COCH: variants seen among roughly 807,000 people sequenced by gnomAD.
COCH encodes cochlin.
Under a neutral mutation model 54.8 loss-of-function variants are expected in COCH, and 40 were observed. That is an observed-to-expected ratio of 0.73 (90% CI 0.57 to 0.95). The LOEUF (loss-of-function observed/expected upper bound fraction) is 0.95, where lower values mean the gene tolerates loss of function less well. Ranked by LOEUF, COCH falls within the 40% of genes least tolerant of loss-of-function variation. The pLI is 0.00. For missense variants in COCH, 605 were observed against 675.0 expected (o/e 0.90, Z 1.15); for synonymous variants, 256 against 237.9 (o/e 1.08, Z -0.70).
Position 30,884,574 on chromosome 14 carries a change from T to C in COCH, c.651T>C (p.Phe217=). ...VQASEHPKIE[F]YLKNFTSAKD... ...TCAGTGAACATCCCAAAATAGAATT[T>C]TACTTGAAAAACTTTACATCAGCCA... is the stretch of plus-strand genomic sequence containing the variant. The change falls in exon 9 of 12, where the codon TTT becomes TTC. Residue 217 remains phenylalanine, a synonymous_variant. Coordinates refer to ENST00000396618, the MANE Select transcript of COCH (RefSeq NM_004086.3). The C allele has an allele frequency of 6.2e-7, 1 of 1,613,330 alleles. No homozygotes were observed. The highest frequency in any genetic ancestry group is 2.2e-5 in the East Asian group (1 of 44,788).
intron 3 of COCH, chr14:30,876,470 G>A (rs1895359590): frequency 6.6e-6 from 1 of 152,142 alleles, no homozygotes; most frequent in Non-Finnish European, 1.5e-5. Flanking sequence ...TATTCTGAAG[G>A]GATTCACTTT....
chr14:30,892,904 TCA>T (rs1464339775), downstream of COCH, among the ~76,000 whole-genome samples: 4 of 152,106 alleles, frequency 2.6e-5, no homozygotes, highest in Non-Finnish European at 2.9e-5. Flanking sequence ...ACAAAATTTC[TCA>T]GTGTACAATG....
intron 11 of COCH, among the ~76,000 whole-genome samples, chr14:30,887,903 C>T (rs1423195902): frequency 6.6e-6 from 1 of 152,146 alleles, no homozygotes; most frequent in East Asian, 1.9e-4. Context: ...ACTTAGCTTA[C>T]TGAACTTATA....
chr14:30,879,197 A>G (rs1594374111), intron 5 of COCH, among the ~76,000 whole-genome samples: 3 of 152,202 alleles, frequency 2.0e-5, no homozygotes, highest in Admixed American at 2.0e-4. Context: ...GAATGCCCGG[A>G]CACTTACCAA....
chr14:30,885,324 G>A (rs559939898), intron 9 of COCH, 70 bp from the exon 10 acceptor site: 2 of 1,320,848 alleles, frequency 1.5e-6, no homozygotes, highest in Middle Eastern at 1.8e-4. Flanking sequence ...AGCATCAAAT[G>A]CTACAGGGAA....
At position 30,886,052 on chromosome 14, in the gene COCH, T is replaced by G; in HGVS notation, c.1217T>G (p.Ile406Arg). 1 of 1,614,262 alleles carries G rather than the reference T, an allele frequency of 6.2e-7. No homozygotes were observed. The highest frequency in any genetic ancestry group is 8.5e-7 in the Non-Finnish European group (1 of 1,180,038). ...TFEISDIGAK[I>R]AAVQFTYDQR... ...GAAATCTCGGACATTGGTGCCAAGA[T>G]AGCTGCTGTACAGTTTACTTATGAT... Residue 406 changes from isoleucine to arginine, a missense_variant, in exon 11 of 12, where the codon ATA becomes AGA. Transcript: ENST00000396618.
At position 30,886,106 on chromosome 14, in the gene COCH, A is replaced by T. The variant is rs1333737829; in HGVS notation, c.1271A>T (p.Tyr424Phe). The T allele has an allele frequency of 6.2e-7, 1 of 1,614,122 alleles. No homozygotes were observed. The highest frequency in any genetic ancestry group is 8.5e-7 in the Non-Finnish European group (1 of 1,179,930). The change falls in exon 11 of 12, where the codon TAT (tyrosine) becomes TTT (phenylalanine). Residue 424 changes from tyrosine (Y) to phenylalanine (F), a missense_variant. By Grantham distance (22) the Tyr-to-Phe change is conservative. Coordinates refer to ENST00000396618, the MANE Select transcript of COCH (RefSeq NM_004086.3). The stretch of plus-strand genomic sequence containing the variant: ...CGCACGGAGTTCAGTTTCACTGACT[A>T]TAGCACCAAAGAGAATGTCCTAGCT... ...DQRTEFSFTD[Y>F]STKENVLAVI...
intron 6 of COCH, among the ~76,000 whole-genome samples, chr14:30,879,923 A>AG (rs1333768641): frequency 1.3e-5 from 2 of 152,100 alleles, no homozygotes; most frequent in East Asian, 3.8e-4. Flanking sequence ...TCAGCCTCCC[A>AG]AAGTTCAGGG....
At chr14:30,882,511 T>G (rs552692232) in intron 8 of COCH, among the ~76,000 whole-genome samples, 49 of 151,126 alleles carry the variant, frequency 3.2e-4, no homozygotes, top group Non-Finnish European at 5.9e-4. Context: ...TCCTGTTTTT[T>G]TCATCCTTTA....
At chr14:30,882,146 T>TTTTTTTTTTTTTTTTTTTTTTTG (rs1895630858) in intron 8 of COCH, among the ~76,000 whole-genome samples, 1 of 132,510 alleles carries the variant, frequency 7.5e-6, no homozygotes, top group Non-Finnish European at 1.6e-5. Flanking sequence ...TTTTTTTTTT[T>TTTTTTTTTTTTTTTTTTTTTTTG]TGAGACGGAG....
Position 30,886,034 on chromosome 14 carries a change from C to A in COCH, c.1199C>A (p.Ser400Ter). 6.2e-7 allele frequency: 1 copy of A among 1,614,208 alleles called. No homozygotes were observed. Among genetic ancestry groups the A allele is most frequent in the African/African-American group, 1.3e-5 (1 of 75,056 alleles). ...VSNIAKTFEI[S>*]DIGAKIAAVQ... ...AACATAGCCAAGACTTTTGAAATCTCGGACATTGGTGCCAAGATAGCTGCT... is the reference window on the plus strand; with the variant it reads ...AACATAGCCAAGACTTTTGAAATCTAGGACATTGGTGCCAAGATAGCTGCT... Residue 400 changes from serine (S) to a stop codon, truncating the protein, a stop_gained, in exon 11 of 12, where the codon TCG becomes TAG. Transcript: ENST00000396618. LOFTEE classifies it high-confidence loss of function.
chr14:30,886,629 T>C (rs1257595050), intron 11 of COCH, among the ~76,000 whole-genome samples: 1 of 152,204 alleles, frequency 6.6e-6, no homozygotes, highest in Non-Finnish European at 1.5e-5. Context: ...CTTATACATA[T>C]ACAATTAAGG....
At chr14:30,876,988 A>G (rs1188817915) in intron 3 of COCH, among the ~76,000 whole-genome samples, 1 of 151,326 alleles carries the variant, frequency 6.6e-6, no homozygotes, top group Admixed American at 6.6e-5. Flanking sequence ...TTTTTTTTTT[A>G]GAAGAGATGA....
At position 30,886,193 on chromosome 14, in the gene COCH, C is replaced by G. The variant is rs764544231; in HGVS notation, c.1358C>G (p.Thr453Ser). The G allele has an allele frequency of 6.2e-7, 1 of 1,610,860 alleles. No homozygotes were observed. The highest frequency in any genetic ancestry group is 1.7e-5 in the Admixed American group (1 of 59,794). ...GTATGDAISF[T>S]VRNVFGPIRE... ...GCTACTGGTGATGCCATTTCCTTCA[C>G]TGTTAGAAATGTGTTTGGCCCTATA... Residue 453 changes from threonine (T) to serine (S), a missense_variant, in exon 11 of 12, where the codon ACT becomes AGT. Transcript: ENST00000396618.
chr14:30,877,231 T>A lies in COCH; in HGVS notation c.83-341T>A. On this transcript the variant is annotated intron_variant, in intron 3 of 11. Transcript: ENST00000396618. The surrounding 1 kb of genome is among the most constrained non-coding windows in gnomAD (Gnocchi z 8.6). ...GAAGCCAGGCACAGTGGCACACCTG[T>A]AATCCCAGCTACTAGGGAGTTGGAG... 3.2e-6 allele frequency: 1 copy of A among 316,758 alleles called. No homozygotes were observed. Among genetic ancestry groups the A allele is most frequent in the Non-Finnish European group, 6.0e-6 (1 of 166,098 alleles). The allele number at this position is 316,758 out of a possible 1,614,324, so 19.6% of individuals were successfully genotyped here.
chr14:30,879,583 A>G (rs947701071), intron 6 of COCH, 98 bp downstream of exon 6: 6 of 1,256,780 alleles, frequency 4.8e-6, no homozygotes, highest in Non-Finnish European at 5.8e-6. Context: ...AAGAAATTTG[A>G]TATTAAAGAG....
In COCH at chr14:30,889,619, TC is replaced by T; in HGVS notation, c.1482del (p.Thr495LeufsTer15). 1 of 1,613,768 alleles carries T rather than the reference TC, an allele frequency of 6.2e-7. No homozygotes were observed. The highest frequency in any genetic ancestry group is 8.5e-7 in the Non-Finnish European group (1 of 1,179,642). The part of the protein sequence containing the change: ...GPAAAAHDAG[I>X]TIFSVGVAWA... The stretch of plus-strand genomic sequence containing the variant: ...CTTTAAAATGTTTTCATTGTAGGAA[TC>T]ACTATCTTCTCTGTTGGTGTGGCTT... On this transcript the variant is annotated frameshift_variant, in exon 12 of 12. Transcript: ENST00000396618. LOFTEE classifies it high-confidence loss of function.
chr14:30,894,398 T>G (rs1380597823), downstream of COCH: 2 of 152,660 alleles, frequency 1.3e-5, no homozygotes, highest in Non-Finnish European at 2.9e-5. Flanking sequence ...CAGGTTCCTT[T>G]AGCACATTAA....
intron 5 of COCH, 124 bp downstream of exon 5, chr14:30,879,068 T>C (rs1350124395): frequency 3.6e-6 from 5 of 1,390,634 alleles, no homozygotes; most frequent in Non-Finnish European, 3.0e-6. Context: ...AGCTGACCTA[T>C]AGAGGTAAAC....
Sources: allele counts gnomAD v4.1 joint callset (sites outside exome capture counted in the v4.1 genomes callset), GRCh38; gene constraint gnomAD v4.1.1; non-coding constraint Gnocchi (gnomAD v3.1); transcripts MANE v1.5; gene names NCBI Gene and HGNC (gene_info 2026-07-23, HGNC 2026-07-21).